OGG1: variants seen among roughly 807,000 people sequenced by gnomAD.
OGG1 encodes 8-oxoguanine DNA glycosylase.
A neutral mutation model predicts 42.3 loss-of-function variants in OGG1; 35 were observed. That is an observed-to-expected ratio of 0.83 (90% CI 0.63 to 1.10). The LOEUF (loss-of-function observed/expected upper bound fraction) is 1.10. Ranked by LOEUF, OGG1 falls within the 50% of genes least tolerant of loss-of-function variation. The pLI is 0.00. For synonymous variants in OGG1, 189 were observed against 179.0 expected (o/e 1.06, Z -0.44); for missense variants, 484 against 446.7 (o/e 1.08, Z -0.75).
downstream of OGG1, chr3:9,757,409 G>T: frequency 6.2e-7 from 1 of 1,609,932 alleles, no homozygotes; most frequent in East Asian, 2.2e-5. The surrounding 1 kb of genome is among the most constrained non-coding windows in gnomAD (Gnocchi z 4.5). Context: ...TATGGAAAAT[G>T]CAGTGAGGAG....
chr3:9,757,808 C>T, downstream of OGG1: 1 of 1,613,256 alleles, frequency 6.2e-7, no homozygotes, highest in Non-Finnish European at 8.5e-7. The surrounding 1 kb of genome is among the most constrained non-coding windows in gnomAD (Gnocchi z 4.5). Flanking sequence ...GCTGCAGTTT[C>T]CTCATGTGCC....
At chr3:9,772,206 A>C (rs1174150914) in intron 2 of OGG1, among the ~76,000 whole-genome samples, 1 of 152,198 alleles carries the variant, frequency 6.6e-6, no homozygotes, top group Non-Finnish European at 1.5e-5. Context: ...TTTAACAAAC[A>C]CATTATCTTT....
intron 3 of OGG1, chr3:9,752,216 AAG>A: frequency 1.9e-6 from 1 of 520,978 alleles, no homozygotes; most frequent in East Asian, 3.4e-5. Flanking sequence ...GTTTGGGGTT[AAG>A]AGCATGCATT....
intron 7 of OGG1, among the ~76,000 whole-genome samples, chr3:9,762,563 G>C (rs945414865): frequency 6.6e-6 from 1 of 152,050 alleles, no homozygotes; most frequent in Non-Finnish European, 1.5e-5. Flanking sequence ...TTTTGGTAGA[G>C]ACAGGGTTTT....
downstream of OGG1, chr3:9,759,842 G>T (rs746424746): frequency 6.2e-7 from 1 of 1,606,266 alleles, no homozygotes; most frequent in South Asian, 1.1e-5. Context: ...GTCTGGCCTG[G>T]CATCAAGACA....
intron 2 of OGG1, among the ~76,000 whole-genome samples, chr3:9,775,868 G>C (rs1402629199): frequency 6.6e-6 from 1 of 152,120 alleles, no homozygotes; most frequent in African/African-American, 2.4e-5. Context: ...TTGAACTCCT[G>C]ACCTCAGATG....
intron 3 of OGG1, chr3:9,787,565 C>A: frequency 1.0e-6 from 1 of 999,142 alleles, no homozygotes; most frequent in Admixed American, 2.8e-5. Context: ...AGAAGCCAAT[C>A]TGAAATAATT....
downstream of OGG1, chr3:9,769,972 C>T (rs1190640849): frequency 6.6e-6 from 1 of 152,120 alleles, no homozygotes; most frequent in Non-Finnish European, 1.5e-5. Context: ...CTCGGCGGCT[C>T]TCTCCGCCCG....
chr3:9,762,988 T>C, intron 7 of OGG1: 2 of 1,614,158 alleles, frequency 1.2e-6, no homozygotes, highest in Non-Finnish European at 8.5e-7. Flanking sequence ...ATGAGGCGGC[T>C]GGCGTCCCGC....
chr3:9,776,172 C>T (rs1488118091), intron 2 of OGG1, among the ~76,000 whole-genome samples: 1 of 152,086 alleles, frequency 6.6e-6, no homozygotes, highest in Non-Finnish European at 1.5e-5. Flanking sequence ...ACACCCAGGG[C>T]TCCAGTCACA....
chr3:9,750,733 C>T lies in OGG1; in HGVS notation c.138-212C>T, dbSNP rs3219001. The T allele has an allele frequency of 2.3e-3, 1,633 of 724,558 alleles. 19 individuals carry two copies. Among genetic ancestry groups the T allele is most frequent in the African/African-American group, 0.022 (1,273 of 56,922 alleles). 44.9% of individuals were successfully genotyped at this position (724,558 alleles called of 1,614,324 possible). The stretch of plus-strand genomic sequence containing the variant: ...CCAGCCTCGACCCCCCGGGCGCAGC[C>T]TCCCGAGTAGCTGGGACTACAGGTG... On this transcript the variant is annotated intron_variant, in intron 1 of 6. Transcript: ENST00000344629.
At chr3:9,776,584 TTTC>T (rs1272607324) in intron 2 of OGG1, among the ~76,000 whole-genome samples, 6 of 151,814 alleles carry the variant, frequency 4.0e-5, no homozygotes, top group Non-Finnish European at 8.8e-5. Flanking sequence ...AGCGAAGGGG[TTTC>T]ACCATGTTAG....
In OGG1 at chr3:9,750,015, T is replaced by TG; in HGVS notation, c.-267dup. The stretch of plus-strand genomic sequence containing the variant: ...CACAGCTGTGCGCGCCCACAGGCTC[T>TG]GGGGGCGGGAGAAGATAAGTCGCAA... On this transcript the variant is annotated 5_prime_UTR_variant, in exon 1 of 7. Transcript: ENST00000344629. 1.9e-6 allele frequency: 1 copy of TG among 520,382 alleles called. No individual in the cohort carries two copies. Among genetic ancestry groups the TG allele is most frequent in the South Asian group, 2.5e-5 (1 of 39,266 alleles). 32.2% of individuals were successfully genotyped at this position (520,382 alleles called of 1,614,324 possible). A position where few individuals can be genotyped will look rare whatever the true frequency, so the allele number is the denominator to read the frequency against.
intron 4 of OGG1, among the ~76,000 whole-genome samples, chr3:9,756,262 A>G (rs2077551490): frequency 6.6e-6 from 1 of 152,232 alleles, no homozygotes; most frequent in Non-Finnish European, 1.5e-5. Flanking sequence ...GGATTGCACC[A>G]GTGCACTCCA....
rs149150905 is a variant in OGG1, at chr3:9,762,430, G to T, written c.1048+3144G>T. 1,544 of 155,706 alleles carry T rather than the reference G, an allele frequency of 9.9e-3. 13 individuals carry two copies. Among genetic ancestry groups the T allele is most frequent in the Non-Finnish European group, 0.016 (1,158 of 70,310 alleles). 9.6% of individuals were successfully genotyped at this position (155,706 alleles called of 1,614,324 possible). ...CTCGCTCTGTCGCCCAGGCTGGCGTGCAATGGCACAATCTCAGCTTGCTGC... is the reference window on the plus strand; with the variant it reads ...CTCGCTCTGTCGCCCAGGCTGGCGTTCAATGGCACAATCTCAGCTTGCTGC... On this transcript the variant is annotated intron_variant, in intron 7 of 7. Coordinates refer to the OGG1 transcript ENST00000302008.
chr3:9,756,539 G>A lies in OGG1; in HGVS notation c.816G>A (p.Trp272Ter). ...PQAVPVDVHM[W>*]HIAQRDYSWH... ...CTGTGCCCGTGGATGTCCATATGTG[G>A]CACATTGCCCAACGTGACTACAGCT... The change falls in exon 5 of 7, where the codon TGG (tryptophan) becomes TGA (stop). Residue 272 changes from tryptophan (W) to a stop codon, truncating the protein, a stop_gained. Transcript: ENST00000344629. LOFTEE classifies it high-confidence loss of function. 1 of 1,614,144 alleles carries A rather than the reference G, an allele frequency of 6.2e-7. No homozygotes were observed. Among genetic ancestry groups the A allele is most frequent in the Non-Finnish European group, 8.5e-7 (1 of 1,180,022 alleles).
At chr3:9,759,234 G>C (rs200671787), downstream of OGG1, 4 of 1,614,190 alleles carry the variant, frequency 2.5e-6, no homozygotes, top group Non-Finnish European at 3.4e-6. Flanking sequence ...GACCCCATAG[G>C]CTGGATCAGA....
chr3:9,757,038 A>ACACAGACTCCACCCTCC lies in OGG1; in HGVS notation c.949-22_949-6dup. 1 of 1,613,660 alleles carries ACACAGACTCCACCCTCC rather than the reference A, an allele frequency of 6.2e-7. No homozygotes were observed. The highest frequency in any genetic ancestry group is 2.2e-5 in the East Asian group (1 of 44,860). ...CTGACCCCAGTGTACCCTCCTCCCCACACAGACTCCACCCTCCTACAGGTG... is the reference window on the plus strand; with the variant it reads ...CTGACCCCAGTGTACCCTCCTCCCCACACAGACTCCACCCTCCCACAGACTCCACCCTCCTACAGGTG... On this transcript the variant is annotated intron_variant, in intron 6 of 6. Transcript: ENST00000344629. The surrounding 1 kb of genome is among the most constrained non-coding windows in gnomAD (Gnocchi z 4.5).
intron 4 of OGG1, 38 bp from the exon 5 acceptor site, chr3:9,756,433 C>T: frequency 6.2e-7 from 1 of 1,612,490 alleles, no homozygotes. Context: ...CCACATGCTG[C>T]CCTTCTTCCA....
Sources: allele counts gnomAD v4.1 joint callset (sites outside exome capture counted in the v4.1 genomes callset), GRCh38; gene constraint gnomAD v4.1.1; non-coding constraint Gnocchi (gnomAD v3.1); transcripts MANE v1.5; gene names NCBI Gene and HGNC (gene_info 2026-07-23, HGNC 2026-07-21).